The following GPBP1 variants were observed in gnomAD, a reference collection of about 807,000 sequenced individuals.
GPBP1 encodes GC-rich promoter binding protein 1.
In GPBP1, 13 loss-of-function variants were observed where a neutral mutation model predicts 56.5. The observed-to-expected ratio is 0.23, with a 90% CI of 0.15 to 0.37. GPBP1 has a LOEUF of 0.37. GPBP1 is among the 10% of genes least tolerant of loss of function. GPBP1 has a pLI of 1.00. For missense variants in GPBP1, 477 were observed against 572.3 expected (o/e 0.83, Z 1.70); for synonymous variants, 204 against 188.9 (o/e 1.08, Z -0.66).
chr5:57,230,653 A>T, intron 3 of GPBP1, 193 bp from the exon 4 acceptor site: 1 of 601,912 alleles, frequency 1.7e-6, no homozygotes, highest in Non-Finnish European at 2.9e-6. Flanking sequence ...GCTTGTTTCC[A>T]TTAGATAGAA....
At chr5:57,200,020 T>TA (rs1754930859) in intron 2 of GPBP1, among the ~76,000 whole-genome samples, 1 of 70,440 alleles carries the variant, frequency 1.4e-5, no homozygotes, top group East Asian at 4.4e-4. Flanking sequence ...TACTTGAAAA[T>TA]CTTTTTTTTT....
intron 2 of GPBP1, 131 bp from the exon 3 acceptor site, chr5:57,213,943 A>T: frequency 1.8e-6 from 1 of 542,048 alleles, no homozygotes; most frequent in Non-Finnish European, 3.3e-6. Flanking sequence ...CTATCTCTAT[A>T]GTTTTGTCTT....
intron 2 of GPBP1, among the ~76,000 whole-genome samples, chr5:57,199,674 C>T (rs1754914081): frequency 6.6e-6 from 1 of 152,140 alleles, no homozygotes. Context: ...AGGTATATCT[C>T]CTAATGCTGT....
At chr5:57,249,280 A>G (rs1741247576) in intron 8 of GPBP1, 129 bp from the exon 9 acceptor site, 8 of 693,858 alleles carry the variant, frequency 1.2e-5, no homozygotes, top group Non-Finnish European at 1.9e-5. Flanking sequence ...ACTAGACTGT[A>G]ACATAGACAT....
chr5:57,234,051 A>G (rs1435307886), intron 5 of GPBP1, among the ~76,000 whole-genome samples: 1 of 152,210 alleles, frequency 6.6e-6, no homozygotes, highest in Non-Finnish European at 1.5e-5. Flanking sequence ...TGCTATGCAC[A>G]TGTAACCACC....
chr5:57,221,234 T>C (rs1755945103), intron 3 of GPBP1: 1 of 588,978 alleles, frequency 1.7e-6, no homozygotes, highest in South Asian at 2.3e-5. Flanking sequence ...GAAGGATATT[T>C]TACACAGTCT....
In GPBP1 at chr5:57,175,812, C is replaced by G. The variant is rs977239254; in HGVS notation, c.-646C>G. ...GAGTAGTTTCAGCAGTTTCAAATGA[C>G]TGAGTATTGCTGAAGTTTCATGGCA... is the stretch of plus-strand genomic sequence containing the variant. On this transcript the variant is annotated 5_prime_UTR_variant, in exon 2 of 12. Coordinates refer to ENST00000506184, the MANE Select transcript of GPBP1 (RefSeq NM_022913.4). 6 of 396,890 alleles carry G rather than the reference C, an allele frequency of 1.5e-5. No homozygotes were observed. The highest frequency in any genetic ancestry group is 8.8e-5 in the Admixed American group (2 of 22,684). 24.6% of individuals were successfully genotyped at this position (396,890 alleles called of 1,614,324 possible).
chr5:57,238,860 C>A (rs1415071423), intron 6 of GPBP1, among the ~76,000 whole-genome samples: 1 of 152,080 alleles, frequency 6.6e-6, no homozygotes, highest in Admixed American at 6.6e-5. Context: ...GCTCAGAGTT[C>A]TTTTGGTTTG....
At chr5:57,225,918 G>A (rs1209217266) in intron 3 of GPBP1, among the ~76,000 whole-genome samples, 6 of 152,168 alleles carry the variant, frequency 3.9e-5, no homozygotes, top group African/African-American at 4.8e-5. Flanking sequence ...ACCTTGTTTC[G>A]TTATGATTAA....
rs557853863 is a variant in GPBP1 at position 57,183,779 on chromosome 5, T to G, written c.-58+7379T>G. On this transcript the variant is annotated intron_variant, in intron 2 of 11. Transcript: ENST00000506184. ...GGGGGATATGAATTTTTTTTTTTTTTTTTTGTTTTGGAGACAGGGTCTCAC... is the reference window on the plus strand; with the variant it reads ...GGGGGATATGAATTTTTTTTTTTTTGTTTTGTTTTGGAGACAGGGTCTCAC... Among the ~76,000 whole-genome samples the G allele has an allele frequency of 6.0e-5, 9 of 150,782 alleles. No homozygotes were observed. In the South Asian group the frequency reaches 1.7e-3, roughly 28 times the overall value.
intron 2 of GPBP1, among the ~76,000 whole-genome samples, chr5:57,213,201 C>G (rs912647280): frequency 6.6e-6 from 1 of 152,034 alleles, no homozygotes; most frequent in Non-Finnish European, 1.5e-5. Flanking sequence ...TTTAGGCACC[C>G]ACCACCATGC....
intron 6 of GPBP1, among the ~76,000 whole-genome samples, chr5:57,244,878 C>T (rs1741015977): frequency 6.6e-6 from 1 of 151,970 alleles, no homozygotes; most frequent in Admixed American, 6.6e-5. Flanking sequence ...GGATTATAGG[C>T]ACATGCCAAC....
intron 10 of GPBP1, among the ~76,000 whole-genome samples, chr5:57,254,159 C>T (rs1474778971): frequency 5.9e-5 from 9 of 152,168 alleles, no homozygotes; most frequent in African/African-American, 2.2e-4. Context: ...CTCTTGGGCT[C>T]AAGCGATCCT....
intron 3 of GPBP1, among the ~76,000 whole-genome samples, chr5:57,222,868 C>T (rs1372975139): frequency 6.6e-6 from 1 of 151,944 alleles, no homozygotes; most frequent in African/African-American, 2.4e-5. Flanking sequence ...TTCATTTTTA[C>T]GTTTTTGTGA....
intron 2 of GPBP1, among the ~76,000 whole-genome samples, chr5:57,188,118 C>T (rs1288955746): frequency 6.6e-6 from 1 of 151,806 alleles, no homozygotes; most frequent in Non-Finnish European, 1.5e-5. Context: ...ATTGTGCACG[C>T]CTGTAGTCCC....
At chr5:57,240,714 C>G (rs1039226220) in intron 6 of GPBP1, among the ~76,000 whole-genome samples, 11 of 152,212 alleles carry the variant, frequency 7.2e-5, no homozygotes, top group African/African-American at 2.4e-4. Flanking sequence ...GGCTCTCACA[C>G]CTGTAATCCC....
chr5:57,254,232 C>T (rs1010672989), intron 10 of GPBP1, among the ~76,000 whole-genome samples: 2 of 152,198 alleles, frequency 1.3e-5, no homozygotes, highest in African/African-American at 4.8e-5. Context: ...CCCCACGCCC[C>T]TCGCTTTTTT....
chr5:57,219,398 AAAAAACCAAAAACAAACAAAC>A (rs1755838962), intron 3 of GPBP1, among the ~76,000 whole-genome samples: 1 of 69,772 alleles, frequency 1.4e-5, no homozygotes, highest in Non-Finnish European at 2.2e-5. Context: ...AAAAAAAAAA[AAAAAACCAAAAACAAACAAAC>A]AAAAAAAAAA....
intron 2 of GPBP1, among the ~76,000 whole-genome samples, chr5:57,213,312 A>C (rs948814582): frequency 2.0e-5 from 3 of 152,076 alleles, no homozygotes; most frequent in African/African-American, 7.2e-5. Context: ...CGGCCTCCCA[A>C]AGTGCTGGGA....
Sources: allele counts gnomAD v4.1 joint callset (sites outside exome capture counted in the v4.1 genomes callset), GRCh38; gene constraint gnomAD v4.1.1; transcripts MANE v1.5; gene names NCBI Gene and HGNC (gene_info 2026-07-23, HGNC 2026-07-21).